IGDCC4: variants seen among roughly 807,000 people sequenced by gnomAD.
The protein encoded by IGDCC4 is likely ortholog of mouse neighbor of Punc E11.
Under a neutral mutation model 116.6 loss-of-function variants are expected in IGDCC4, and 72 were observed. The observed-to-expected ratio is 0.62, with a 90% CI of 0.51 to 0.75. The LOEUF (loss-of-function observed/expected upper bound fraction) is 0.75. Among genes scored for constraint, IGDCC4 ranks in the 30% least tolerant of loss-of-function variants. The pLI is 0.00. For synonymous variants in IGDCC4, 709 were observed against 719.9 expected (o/e 0.98, Z 0.24); for missense variants, 1,501 against 1,662.4 (o/e 0.90, Z 1.69).
chr15:65,406,873 G>T (rs1009098252), intron 3 of IGDCC4, among the ~76,000 whole-genome samples: 24 of 152,148 alleles, frequency 1.6e-4, no homozygotes, highest in African/African-American at 5.6e-4. Flanking sequence ...CTAGACGTTG[G>T]GGGTGGTGGG....
At position 65,393,268 on chromosome 15, in the gene IGDCC4, G is replaced by T; in HGVS notation, c.1885+93C>A. 4.4e-6 allele frequency: 6 copies of T among 1,355,484 alleles called. No homozygotes were observed. Among genetic ancestry groups the T allele is most frequent in the Non-Finnish European group, 5.9e-6 (6 of 1,022,940 alleles). 84.0% of individuals were successfully genotyped at this position (1,355,484 alleles called of 1,614,324 possible). On this transcript the variant is annotated intron_variant, in intron 10 of 19. Transcript: ENST00000352385. This position sits in a 1 kb window ranked among gnomAD's most constrained non-coding sequence, Gnocchi z 4.6. ...AGCCATGGAAGGTCTCTGATGGAGGGCGGGGCCAGGGGGTGGGGCGCTGGG... is the reference window on the plus strand; with the variant it reads ...AGCCATGGAAGGTCTCTGATGGAGGTCGGGGCCAGGGGGTGGGGCGCTGGG...
chr15:65,399,213 G>A (rs1191489252), intron 5 of IGDCC4, among the ~76,000 whole-genome samples: 1 of 152,148 alleles, frequency 6.6e-6, no homozygotes, highest in Non-Finnish European at 1.5e-5. Flanking sequence ...ACTCATGGCT[G>A]TAATCCCAGC....
rs1595791992 is a variant in IGDCC4, at chr15:65,410,319, G to A, written c.422C>T (p.Thr141Ile). The A allele has an allele frequency of 3.1e-6, 5 of 1,613,946 alleles. No individual in the cohort carries two copies. The highest frequency in any genetic ancestry group is 4.2e-6 in the Non-Finnish European group (5 of 1,180,010). ...CGGGTGCAGAGAGAAGTCTGCGAGT[G>A]CTGGGGACAGTGAGACACAGGCAGG... is the stretch of plus-strand genomic sequence containing the variant. ...ASQTAVVKLA[T>I]LADFSLHPES... Residue 141 changes from threonine (T) to isoleucine (I), a missense_variant and splice_region_variant, in exon 3 of 20, where the codon ACA becomes ATA. By Grantham distance (89) the Thr-to-Ile change is moderately conservative (BLOSUM62 -1). This residue lies in a region of IGDCC4 where 898 missense variants were observed against 978.9 expected (regional missense o/e 0.92). Transcript: ENST00000352385.
At position 65,381,753 on chromosome 15, in the gene IGDCC4, G is replaced by T. The variant is rs964169658; in HGVS notation, c.*2256C>A. Reference sequence around the variant, plus strand: ...CAAAGGGATTAATACCCTGTAAAAGGCCAATAGATTCTTTTCTAATAAAAA... The same window carrying T: ...CAAAGGGATTAATACCCTGTAAAAGTCCAATAGATTCTTTTCTAATAAAAA... On this transcript the variant is annotated 3_prime_UTR_variant, in exon 20 of 20. Transcript: ENST00000352385. 1 of 152,396 alleles carries T rather than the reference G, an allele frequency of 6.6e-6. No individual in the cohort carries two copies. Among genetic ancestry groups the T allele is most frequent in the African/African-American group, 2.4e-5 (1 of 41,428 alleles). The allele number at this position is 152,396 out of a possible 1,614,324, so 9.4% of individuals were successfully genotyped here.
In IGDCC4 at chr15:65,393,568, C is replaced by T. The variant is rs369152135; in HGVS notation, c.1715-37G>A. The T allele has an allele frequency of 7.7e-6, 12 of 1,558,752 alleles. No individual in the cohort carries two copies. Among genetic ancestry groups the T allele is most frequent in the African/African-American group, 5.4e-5 (4 of 73,746 alleles). On this transcript the variant is annotated intron_variant, in intron 9 of 19. Coordinates refer to ENST00000352385, the MANE Select transcript of IGDCC4 (RefSeq NM_020962.3). The surrounding 1 kb of genome is among the most constrained non-coding windows in gnomAD (Gnocchi z 4.6). ...GAAAAGGTGGGCTGCTGGGTAGCCA[C>T]CTGAGGAACAGGATCCTAAACCCCC...
chr15:65,422,054 T>C (rs1470623497), intron 1 of IGDCC4, among the ~76,000 whole-genome samples: 1 of 151,944 alleles, frequency 6.6e-6, no homozygotes, highest in Non-Finnish European at 1.5e-5. Flanking sequence ...ACGCGTCCCA[T>C]CGTGAGAACA....
chr15:65,410,973 C>T lies in IGDCC4; in HGVS notation c.421+47G>A, dbSNP rs572105737. On this transcript the variant is annotated intron_variant, in intron 2 of 19. Coordinates refer to ENST00000352385, the MANE Select transcript of IGDCC4 (RefSeq NM_020962.3). ...ACTGCAGATCCCACTTCGCACACCC[C>T]AAGTCTGGGTTTCAGCCTCAGACCC... 3.3e-6 allele frequency: 5 copies of T among 1,504,100 alleles called. No homozygotes were observed. In the East Asian group the frequency reaches 9.3e-5, roughly 28 times the overall value. 93.2% of individuals were successfully genotyped at this position (1,504,100 alleles called of 1,614,324 possible). A position where few individuals can be genotyped will look rare whatever the true frequency, so the allele number is the denominator to read the frequency against.
At position 65,393,424 on chromosome 15, in the gene IGDCC4, C is replaced by T. The variant is rs1256951792; in HGVS notation, c.1822G>A (p.Gly608Ser). The T allele has an allele frequency of 6.2e-7, 1 of 1,613,686 alleles. No individual in the cohort carries two copies. The highest frequency in any genetic ancestry group is 8.5e-7 in the Non-Finnish European group (1 of 1,179,826). The change falls in exon 10 of 20, where the codon GGC (glycine) becomes AGC (serine). Residue 608 changes from glycine (G) to serine (S), a missense_variant. By Grantham distance (56) the Gly-to-Ser change is moderately conservative (BLOSUM62 0). Coordinates refer to ENST00000352385, the MANE Select transcript of IGDCC4 (RefSeq NM_020962.3). The surrounding 1 kb of genome is among the most constrained non-coding windows in gnomAD (Gnocchi z 4.6). ...ATCCACTGGGAGGGGGCCCCGAAGC[C>T]GGCTGCTGTACCAGCCGAAATCCGT... is the stretch of plus-strand genomic sequence containing the variant. The part of the protein sequence containing the change: ...RVRISAGTAA[G>S]FGAPSQWMHH...
chr15:65,388,246 G>GAA (rs397793769), intron 16 of IGDCC4, among the ~76,000 whole-genome samples: 120 of 122,748 alleles, frequency 9.8e-4, no homozygotes, highest in Admixed American at 1.5e-3. Context: ...CTCCATCTCA[G>GAA]AAAAAAAAAA....
Position 65,394,526 on chromosome 15 carries a change from G to A in IGDCC4, c.1599C>T (p.Leu533=), listed in dbSNP as rs1417094174. 1 of 1,609,520 alleles carries A rather than the reference G, an allele frequency of 6.2e-7. No homozygotes were observed. The highest frequency in any genetic ancestry group is 1.3e-5 in the African/African-American group (1 of 74,818). Reference sequence around the variant, plus strand: ...CCGAAGGGTTGGGGCTGGACAGGGAGAGCTGGGGTGCTGCACTGGGGACTG... The same window carrying A: ...CCGAAGGGTTGGGGCTGGACAGGGAAAGCTGGGGTGCTGCACTGGGGACTG... ...LDDVPSAAPQ[L]SLSSPNPSDI... Residue 533 remains leucine, a synonymous_variant, in exon 9 of 20, where the codon CTC becomes CTT. Coordinates refer to ENST00000352385, the MANE Select transcript of IGDCC4 (RefSeq NM_020962.3).
Position 65,384,845 on chromosome 15 carries a change from A to G in IGDCC4, c.3342+109T>C. 7.2e-7 allele frequency: 1 copy of G among 1,391,530 alleles called. No individual in the cohort carries two copies. Among genetic ancestry groups the G allele is most frequent in the Non-Finnish European group, 9.7e-7 (1 of 1,035,330 alleles). The allele number at this position is 1,391,530 out of a possible 1,614,324, so 86.2% of individuals were successfully genotyped here. A position where few individuals can be genotyped will look rare whatever the true frequency, so the allele number is the denominator to read the frequency against. ...CCAGGGGTCTCCTGGCTAGACTTCT[A>G]TCCCCAGGAAAGTTACCACCCAGGG... On this transcript the variant is annotated intron_variant, in intron 19 of 19. Transcript: ENST00000352385. The surrounding 1 kb of genome is among the most constrained non-coding windows in gnomAD (Gnocchi z 4.9).
chr15:65,401,984 T>C (rs1567087900), intron 4 of IGDCC4, among the ~76,000 whole-genome samples: 1 of 152,040 alleles, frequency 6.6e-6, no homozygotes. Flanking sequence ...CCTCAGTGAC[T>C]ATAGAAGGGC....
Position 65,384,478 on chromosome 15 carries a change from T to G in IGDCC4, c.3343-59A>C. On this transcript the variant is annotated intron_variant, in intron 19 of 19. Coordinates refer to ENST00000352385, the MANE Select transcript of IGDCC4 (RefSeq NM_020962.3). This position sits in a 1 kb window ranked among gnomAD's most constrained non-coding sequence, Gnocchi z 4.9. ...CCATTACTGAGAGTAATCATCAGAA[T>G]GACCAGCGTACGTGGGGCAGAAAGT... The G allele has an allele frequency of 1.4e-6, 2 of 1,452,102 alleles. No individual in the cohort carries two copies. Among genetic ancestry groups the G allele is most frequent in the East Asian group, 2.4e-5 (1 of 42,118 alleles). 90.0% of individuals were successfully genotyped at this position (1,452,102 alleles called of 1,614,324 possible). A position where few individuals can be genotyped will look rare whatever the true frequency, so the allele number is the denominator to read the frequency against.
rs758249675 is a variant in IGDCC4 at position 65,381,941 on chromosome 15, A to C, written c.*2068T>G. On this transcript the variant is annotated 3_prime_UTR_variant, in exon 20 of 20. Coordinates refer to ENST00000352385, the MANE Select transcript of IGDCC4 (RefSeq NM_020962.3). The stretch of plus-strand genomic sequence containing the variant: ...GAGAAACAATTTTCCACCCAACCTA[A>C]TGGGTTATAAATTGTCTCATTTGCA... 1 of 152,578 alleles carries C rather than the reference A, an allele frequency of 6.6e-6. No individual in the cohort carries two copies. The highest frequency in any genetic ancestry group is 1.5e-5 in the Non-Finnish European group (1 of 68,022). The allele number at this position is 152,578 out of a possible 1,614,324, so 9.5% of individuals were successfully genotyped here.
chr15:65,416,415 G>C (rs1207727467), intron 1 of IGDCC4, among the ~76,000 whole-genome samples: 2 of 152,126 alleles, frequency 1.3e-5, no homozygotes, highest in Non-Finnish European at 2.9e-5. Context: ...GGGATTACAG[G>C]CATGAGCCAC....
At chr15:65,399,629 G>A (rs916262294) in intron 5 of IGDCC4, among the ~76,000 whole-genome samples, 3 of 152,114 alleles carry the variant, frequency 2.0e-5, no homozygotes, top group Admixed American at 1.3e-4. Flanking sequence ...GGGTCCTGCT[G>A]GCCCCCTAAG....
At position 65,384,254 on chromosome 15, in the gene IGDCC4, C is replaced by T. The variant is rs1360956380; in HGVS notation, c.3508G>A (p.Val1170Ile). The T allele has an allele frequency of 1.2e-6, 2 of 1,601,276 alleles. No homozygotes were observed. Among genetic ancestry groups the T allele is most frequent in the Non-Finnish European group, 1.7e-6 (2 of 1,171,668 alleles). ...GCTGCCCCCTGCCCTGGATCCCCAA[C>T]ACCCGAGATGAGATCAGGAGCCTCT... Reference protein sequence around the residue: ...PPEAPDLISGVGDPGQGAAWL... With the variant: ...PPEAPDLISGIGDPGQGAAWL... Residue 1170 changes from valine to isoleucine, a missense_variant, in exon 20 of 20, where the codon GTT becomes ATT. Val to Ile is a conservative substitution (Grantham distance 29). Around this residue, in one of 3 missense-constraint regions of IGDCC4, gnomAD observed 368 missense variants for 355.6 expected, o/e 1.03. Transcript: ENST00000352385. This position sits in a 1 kb window ranked among gnomAD's most constrained non-coding sequence, Gnocchi z 4.9.
chr15:65,389,291 C>T lies in IGDCC4; in HGVS notation c.2529G>A (p.Leu843=). The T allele has an allele frequency of 6.2e-7, 1 of 1,613,222 alleles. No individual in the cohort carries two copies. Among genetic ancestry groups the T allele is most frequent in the East Asian group, 2.2e-5 (1 of 44,870 alleles). ...GGGCTGGGAGCCACTCACGGTCAGG[C>T]AGGGTGGAGCGCTCCACCACAGAGC... ...PFGSVVERST[L]PDRPSTPPSD... The change falls in exon 14 of 20, where the codon CTG becomes CTA. Residue 843 remains leucine, a synonymous_variant. Coordinates refer to ENST00000352385, the MANE Select transcript of IGDCC4 (RefSeq NM_020962.3).
At chr15:65,403,783 T>C (rs570455497) in intron 3 of IGDCC4, among the ~76,000 whole-genome samples, 1 of 152,104 alleles carries the variant, frequency 6.6e-6, no homozygotes, top group South Asian at 2.1e-4. Context: ...ATGAGGGTGT[T>C]CCCTGCCCTC....
Sources: allele counts gnomAD v4.1 joint callset (sites outside exome capture counted in the v4.1 genomes callset), GRCh38; gene constraint gnomAD v4.1.1; regional missense constraint gnomAD v4.1.1; non-coding constraint Gnocchi (gnomAD v3.1); transcripts MANE v1.5; gene names NCBI Gene and HGNC (gene_info 2026-07-23, HGNC 2026-07-21).